Variants in IGF1R observed in about 807,000 individuals in gnomAD.
IGF1R encodes the protein insulin-like growth factor 1 receptor.
A neutral mutation model predicts 144.6 loss-of-function variants in IGF1R; 44 were observed. The ratio of observed to expected loss-of-function variants is 0.30; its 90% CI spans 0.24 to 0.39. The LOEUF is 0.39. IGF1R is among the 10% of genes least tolerant of loss of function. The probability of loss-of-function intolerance (pLI) is 1.00; values close to 1 mark genes in which losing one functional copy is unlikely to be tolerated. For synonymous variants in IGF1R, 795 were observed against 722.8 expected (o/e 1.10, Z -1.60); for missense variants, 1,355 against 1,833.7 (o/e 0.74, Z 4.77).
chr15:98,775,862 C>G (rs2055700183), intron 2 of IGF1R, among the ~76,000 whole-genome samples: 1 of 152,214 alleles, frequency 6.6e-6, no homozygotes, highest in Non-Finnish European at 1.5e-5. Context: ...TTTTTGGGGT[C>G]TGGGACCACA....
At chr15:98,852,352 C>G (rs920195589) in intron 2 of IGF1R, among the ~76,000 whole-genome samples, 1 of 152,170 alleles carries the variant, frequency 6.6e-6, no homozygotes, top group African/African-American at 2.4e-5. Flanking sequence ...ACCCCGCGCC[C>G]GCGCCGCCGC....
At chr15:98,751,214 T>C (rs2055002862) in intron 2 of IGF1R, among the ~76,000 whole-genome samples, 1 of 152,184 alleles carries the variant, frequency 6.6e-6, no homozygotes, top group South Asian at 2.1e-4. Flanking sequence ...AATTTTTTCT[T>C]TTAAGAGCTG....
chr15:98,892,548 G>A (rs973111157), intron 3 of IGF1R, among the ~76,000 whole-genome samples: 178 of 147,694 alleles, frequency 1.2e-3, no homozygotes, highest in Admixed American at 4.5e-3. Flanking sequence ...AAAAAAAAGA[G>A]AAGTTCGTTA....
intron 2 of IGF1R, among the ~76,000 whole-genome samples, chr15:98,847,348 C>T (rs1012494069): frequency 2.0e-5 from 3 of 152,152 alleles, no homozygotes; most frequent in Non-Finnish European, 2.9e-5. Context: ...CCGTGTCAGT[C>T]CATACCCTCA....
intron 2 of IGF1R, among the ~76,000 whole-genome samples, chr15:98,873,302 G>A (rs1209375635): frequency 6.6e-6 from 1 of 151,956 alleles, no homozygotes; most frequent in African/African-American, 2.4e-5. Context: ...TCTCCAATAA[G>A]TTTAGGATCA....
chr15:98,886,114 A>G (rs2013628089), intron 2 of IGF1R, among the ~76,000 whole-genome samples: 1 of 152,162 alleles, frequency 6.6e-6, no homozygotes, highest in South Asian at 2.1e-4. Flanking sequence ...CACCACGCCC[A>G]GCCTATGGTA....
chr15:98,798,335 C>G (rs1405911373), intron 2 of IGF1R, among the ~76,000 whole-genome samples: 1 of 152,048 alleles, frequency 6.6e-6, no homozygotes, highest in Non-Finnish European at 1.5e-5. Context: ...GCTTGGAGAG[C>G]TTGGTGCATC....
At chr15:98,909,458 C>G (rs887497098) in intron 6 of IGF1R, among the ~76,000 whole-genome samples, 1 of 151,992 alleles carries the variant, frequency 6.6e-6, no homozygotes, top group Non-Finnish European at 1.5e-5. Flanking sequence ...GGGATTTCAT[C>G]ATGTTGGCCA....
intron 2 of IGF1R, among the ~76,000 whole-genome samples, chr15:98,875,060 G>A (rs1313949365): frequency 1.3e-5 from 2 of 152,182 alleles, no homozygotes. Context: ...CACATCCTCA[G>A]GGATGTTGCA....
chr15:98,775,771 A>C (rs1303263308), intron 2 of IGF1R, among the ~76,000 whole-genome samples: 2 of 151,934 alleles, frequency 1.3e-5, no homozygotes, highest in African/African-American at 4.8e-5. Context: ...GCTGGGCCCC[A>C]CCCCAGGGTT....
At chr15:98,760,363 T>A (rs2055264300) in intron 2 of IGF1R, among the ~76,000 whole-genome samples, 1 of 150,624 alleles carries the variant, frequency 6.6e-6, no homozygotes, top group Admixed American at 6.6e-5. Context: ...AAAAAAAAAA[T>A]CCGTTTACAT....
intron 2 of IGF1R, among the ~76,000 whole-genome samples, chr15:98,848,201 T>G (rs1489062396): frequency 6.6e-6 from 1 of 152,186 alleles, no homozygotes; most frequent in Non-Finnish European, 1.5e-5. Flanking sequence ...ATACATGTTT[T>G]GGGTGAGAGT....
chr15:98,827,743 C>A (rs952258348), intron 2 of IGF1R, among the ~76,000 whole-genome samples: 1 of 152,116 alleles, frequency 6.6e-6, no homozygotes, highest in African/African-American at 2.4e-5. Context: ...CCACCACACC[C>A]GGCTAATTTT....
At chr15:98,878,663 C>CAAAAAAAAAAAA (rs138285597) in intron 2 of IGF1R, among the ~76,000 whole-genome samples, 16 of 57,902 alleles carry the variant, frequency 2.8e-4, no homozygotes, top group African/African-American at 1.1e-3. Context: ...GTGAAAGACT[C>CAAAAAAAAAAAA]AAAAAAAAAA....
intron 20 of IGF1R, among the ~76,000 whole-genome samples, chr15:98,949,746 T>C (rs1365648431): frequency 1.3e-5 from 2 of 152,226 alleles, no homozygotes; most frequent in East Asian, 3.9e-4. Flanking sequence ...GAGTTTGTGA[T>C]GCCTCACAGT....
chr15:98,858,691 T>TC (rs1229157146), intron 2 of IGF1R, among the ~76,000 whole-genome samples: 1 of 152,192 alleles, frequency 6.6e-6, no homozygotes, highest in Non-Finnish European at 1.5e-5. Flanking sequence ...TCGCCTGGGC[T>TC]TCCTCCTCCA....
chr15:98,675,862 G>T (rs1269891623), intron 1 of IGF1R, among the ~76,000 whole-genome samples: 2 of 117,496 alleles, frequency 1.7e-5, no homozygotes, highest in Admixed American at 2.4e-4. Context: ...GTCTCGCTCT[G>T]TTGCTCAGGC....
At chr15:98,859,227 T>G (rs1216974796) in intron 2 of IGF1R, among the ~76,000 whole-genome samples, 2 of 152,186 alleles carry the variant, frequency 1.3e-5, no homozygotes, top group African/African-American at 4.8e-5. Context: ...TTATGACCAG[T>G]GTATTGAAAG....
At chr15:98,709,058 T>C (rs2053933578) in intron 2 of IGF1R, among the ~76,000 whole-genome samples, 1 of 152,358 alleles carries the variant, frequency 6.6e-6, no homozygotes, top group East Asian at 1.9e-4. Context: ...GTTATGTATA[T>C]TGGCTAGGAA....
Sources: gnomAD v4.1 joint callset for allele counts (sites outside exome capture counted in the v4.1 genomes callset) on GRCh38, gnomAD v4.1.1 for gene constraint, MANE v1.5 for transcripts, NCBI Gene and HGNC (gene_info 2026-07-23, HGNC 2026-07-21) for gene names.